IFT80: variants seen among roughly 807,000 people sequenced by gnomAD.
The protein encoded by IFT80 is intraflagellar transport 80, also known as intraflagellar transport protein 80 homolog.
IFT80 carries 79 observed loss-of-function variants against 107.9 expected under a neutral mutation model. That is an observed-to-expected ratio of 0.73 (90% CI 0.61 to 0.88). The LOEUF (loss-of-function observed/expected upper bound fraction) is 0.88, where lower values mean the gene tolerates loss of function less well. Among genes scored for constraint, IFT80 ranks in the 40% least tolerant of loss-of-function variants. The pLI is 0.00. For synonymous variants in IFT80, 299 were observed against 300.9 expected (o/e 0.99, Z 0.07); for missense variants, 797 against 914.2 (o/e 0.87, Z 1.65).
Position 160,319,792 on chromosome 3 carries a change from GA to G in IFT80, c.924del (p.Gln309LysfsTer2). ...VVEQHWEWKN[F>X]QVTLTKRRAM... is the part of the protein sequence containing the mutation. ...GCTCTTCTTTTCGTTAATGTTACTT[GA>G]AAATTTTTCCACTCCCAATGTTGTT... On this transcript the variant is annotated frameshift_variant, in exon 9 of 20. Transcript: ENST00000326448. LOFTEE classifies it high-confidence loss of function. 6.2e-7 allele frequency: 1 copy of G among 1,612,924 alleles called. No individual in the cohort carries two copies. The highest frequency in any genetic ancestry group is 8.5e-7 in the Non-Finnish European group (1 of 1,179,204).
chr3:160,308,948 T>A (rs1027408409), intron 9 of IFT80, among the ~76,000 whole-genome samples: 8 of 152,160 alleles, frequency 5.3e-5, no homozygotes, highest in African/African-American at 1.9e-4. Flanking sequence ...GAAGGCACCA[T>A]ATATGAATTA....
intron 11 of IFT80, among the ~76,000 whole-genome samples, chr3:160,301,928 C>G (rs1395774988): frequency 6.6e-6 from 1 of 151,930 alleles, no homozygotes; most frequent in Non-Finnish European, 1.5e-5. Context: ...TAAAGAATGT[C>G]TACAGTGTAT....
intron 5 of IFT80, among the ~76,000 whole-genome samples, chr3:160,372,195 G>A (rs976718121): frequency 4.6e-5 from 7 of 152,126 alleles, no homozygotes; most frequent in Non-Finnish European, 7.4e-5. Context: ...AAGTCACATG[G>A]ATGCTTCCAA....
intron 8 of IFT80, among the ~76,000 whole-genome samples, chr3:160,320,593 C>T (rs149297765): frequency 1.4e-4 from 21 of 151,820 alleles, no homozygotes; most frequent in African/African-American, 4.6e-4. Flanking sequence ...CTTTTTAATA[C>T]ATGGTATTAT....
intron 12 of IFT80, among the ~76,000 whole-genome samples, chr3:160,295,384 C>T (rs964972953): frequency 6.6e-6 from 1 of 152,094 alleles, no homozygotes; most frequent in Non-Finnish European, 1.5e-5. Flanking sequence ...GTGGGAGGAT[C>T]GCTTAAACTC....
chr3:160,339,686 A>G (rs1484670006), intron 8 of IFT80, among the ~76,000 whole-genome samples: 2 of 152,246 alleles, frequency 1.3e-5, no homozygotes, highest in East Asian at 1.9e-4. Flanking sequence ...AAAGTGGGTA[A>G]GCAAAACATA....
At chr3:160,321,504 A>G (rs1045489702) in intron 8 of IFT80, among the ~76,000 whole-genome samples, 10 of 151,966 alleles carry the variant, frequency 6.6e-5, no homozygotes, top group Non-Finnish European at 1.3e-4. Flanking sequence ...AACCATGGGG[A>G]TAAGTCCCAG....
intron 9 of IFT80, among the ~76,000 whole-genome samples, chr3:160,316,395 G>A (rs1480638314): frequency 1.3e-5 from 2 of 152,200 alleles, no homozygotes; most frequent in African/African-American, 4.8e-5. Flanking sequence ...TTGCAGCCTT[G>A]TGAGACTGTG....
At chr3:160,288,066 T>C (rs1315706625) in intron 12 of IFT80, among the ~76,000 whole-genome samples, 2 of 152,234 alleles carry the variant, frequency 1.3e-5, no homozygotes, top group Non-Finnish European at 2.9e-5. Flanking sequence ...CAGCGCAGTC[T>C]GGGCGCAGTG....
At chr3:160,262,137 C>T (rs1212124101) in intron 19 of IFT80, among the ~76,000 whole-genome samples, 3 of 151,946 alleles carry the variant, frequency 2.0e-5, no homozygotes, top group Non-Finnish European at 4.4e-5. Context: ...AAAAACAAGC[C>T]GGTTCAATAA....
chr3:160,262,632 A>T (rs1249369247), intron 19 of IFT80, among the ~76,000 whole-genome samples: 3 of 152,140 alleles, frequency 2.0e-5, no homozygotes, highest in Non-Finnish European at 4.4e-5. Flanking sequence ...GCCACGGAGT[A>T]AGGTTTTTTG....
At chr3:160,278,171 A>G (rs1714413586) in intron 16 of IFT80, among the ~76,000 whole-genome samples, 1 of 152,230 alleles carries the variant, frequency 6.6e-6, no homozygotes, top group Non-Finnish European at 1.5e-5. Flanking sequence ...AGCCTGTAAA[A>G]TAGAGCTGCA....
intron 1 of IFT80, among the ~76,000 whole-genome samples, chr3:160,397,227 T>C (rs1713848342): frequency 1.3e-5 from 2 of 152,200 alleles, no homozygotes; most frequent in Non-Finnish European, 2.9e-5. Context: ...TGTTATATAG[T>C]AACAATCTTA....
chr3:160,317,284 A>G (rs2108294725), intron 9 of IFT80, among the ~76,000 whole-genome samples: 1 of 152,124 alleles, frequency 6.6e-6, no homozygotes, highest in African/African-American at 2.4e-5. Flanking sequence ...AGAAAGTAAA[A>G]CCTCTTTAAA....
chr3:160,316,138 A>G (rs938921025), intron 9 of IFT80, among the ~76,000 whole-genome samples: 1 of 151,902 alleles, frequency 6.6e-6, no homozygotes, highest in South Asian at 2.1e-4. Context: ...TCTTGCTTGC[A>G]CTCTCTCTGG....
intron 8 of IFT80, 32 bp from the exon 9 acceptor site, chr3:160,319,971 T>A (rs369398576): frequency 3.0e-5 from 48 of 1,588,320 alleles, no homozygotes; most frequent in Middle Eastern, 3.3e-4. Flanking sequence ...AAAGATGGAC[T>A]TACTGAAAAA....
At position 160,375,899 on chromosome 3, in the gene IFT80, A is replaced by C. The variant is rs557249203; in HGVS notation, c.371-19T>G. The stretch of plus-strand genomic sequence containing the variant: ...TCTCCAACTATACAGGGAAAAAAAA[A>C]TTAATCAGTATTTTTACCTATAGAA... On this transcript the variant is annotated intron_variant, in intron 4 of 19. Transcript: ENST00000326448. The C allele has an allele frequency of 3.7e-5, 56 of 1,495,768 alleles. No individual in the cohort carries two copies. The African/African-American group carries it at 6.4e-4, about 17-fold the overall frequency. 92.7% of individuals were successfully genotyped at this position (1,495,768 alleles called of 1,614,324 possible).
At chr3:160,382,093 T>C (rs1376139627) in intron 2 of IFT80, among the ~76,000 whole-genome samples, 2 of 152,138 alleles carry the variant, frequency 1.3e-5, no homozygotes, top group East Asian at 3.9e-4. Context: ...GGGGGATAGG[T>C]AGGGAGCAAA....
chr3:160,335,147 C>CT (rs754322594), intron 8 of IFT80, among the ~76,000 whole-genome samples: 2,194 of 143,344 alleles, frequency 0.015, 21 homozygotes, highest in African/African-American at 0.028. Context: ...AAAAAATCCT[C>CT]TTTTTTTTTT....
Sources: gnomAD v4.1 joint callset for allele counts (sites outside exome capture counted in the v4.1 genomes callset) on GRCh38, gnomAD v4.1.1 for gene constraint, MANE v1.5 for transcripts, NCBI Gene and HGNC (gene_info 2026-07-23, HGNC 2026-07-21) for gene names.